The following ZNF385D variants were observed in gnomAD, a reference collection of about 807,000 sequenced individuals.
The protein encoded by ZNF385D is zinc finger protein 385D.
A neutral mutation model predicts 35.8 loss-of-function variants in ZNF385D; 15 were observed. The ratio of observed to expected loss-of-function variants is 0.42; its 90% CI spans 0.28 to 0.64. The LOEUF is 0.64. Ranked by LOEUF, ZNF385D falls within the 30% of genes least tolerant of loss-of-function variation. The pLI is 0.23. For missense variants in ZNF385D, 474 were observed against 494.6 expected (o/e 0.96, Z 0.39); for synonymous variants, 212 against 186.8 (o/e 1.13, Z -1.10).
chr3:21,983,218 G>A (rs1694605023), intron 3 of ZNF385D, among the ~76,000 whole-genome samples: 1 of 144,420 alleles, frequency 6.9e-6, no homozygotes, highest in Non-Finnish European at 1.5e-5. Flanking sequence ...CATTGTGCAG[G>A]TTAGTTACAT....
intron 4 of ZNF385D, among the ~76,000 whole-genome samples, chr3:21,483,444 T>C (rs1704790834): frequency 6.6e-6 from 1 of 152,198 alleles, no homozygotes; most frequent in Non-Finnish European, 1.5e-5. Flanking sequence ...TATAAATGTC[T>C]GGAGTAAATA....
chr3:22,153,526 C>T (rs546010455), intron 3 of ZNF385D, among the ~76,000 whole-genome samples: 4 of 148,084 alleles, frequency 2.7e-5, no homozygotes, highest in South Asian at 4.3e-4. Flanking sequence ...TGCAGTGGCA[C>T]GGTCTCGGAT....
intron 1 of ZNF385D, among the ~76,000 whole-genome samples, chr3:21,708,025 T>G (rs2067971149): frequency 6.6e-6 from 1 of 152,252 alleles, no homozygotes; most frequent in South Asian, 2.1e-4. Flanking sequence ...AGTAACAATC[T>G]CTATGTGACT....
Position 21,806,820 on chromosome 3 carries a change from A to C in ZNF385D, c.326-141792T>G, listed in dbSNP as rs1367349068. Among the ~76,000 whole-genome samples the C allele has an allele frequency of 2.0e-5, 3 of 152,238 alleles. No homozygotes were observed. In the East Asian group the frequency reaches 5.8e-4, roughly 29 times the overall value. Reference sequence around the variant, plus strand: ...TCCTGAACCTTCTTGACCTGGGAGAAGACTCTCAAAGAGTGAAACTTCAGA... The same window carrying C: ...TCCTGAACCTTCTTGACCTGGGAGACGACTCTCAAAGAGTGAAACTTCAGA... On this transcript the variant is annotated intron_variant, in intron 3 of 5. Transcript: ENST00000494108.
intron 3 of ZNF385D, among the ~76,000 whole-genome samples, chr3:21,969,814 G>GGGTGCCTGT (rs1352604915): frequency 9.9e-5 from 15 of 152,122 alleles, no homozygotes; most frequent in African/African-American, 3.6e-4. Context: ...GTGGCTTCAG[G>GGGTGCCTGT]GGTGCCTGTG....
chr3:22,056,274 T>TAAAAAA (rs1180609438), intron 3 of ZNF385D, among the ~76,000 whole-genome samples: 7 of 64,902 alleles, frequency 1.1e-4, no homozygotes, highest in Non-Finnish European at 2.0e-4. Context: ...TAGAGTATAA[T>TAAAAAA]AAAAAAAAAA....
intron 3 of ZNF385D, among the ~76,000 whole-genome samples, chr3:22,127,318 T>C (rs13084533): frequency 5.7e-3 from 40 of 6,958 alleles, no homozygotes; most frequent in African/African-American, 0.019. Flanking sequence ...CATTTCCTGC[T>C]TTTTTTTTTT....
intron 3 of ZNF385D, among the ~76,000 whole-genome samples, chr3:21,837,621 C>G (rs1355235606): frequency 2.0e-5 from 3 of 152,048 alleles, no homozygotes; most frequent in African/African-American, 7.2e-5. Flanking sequence ...CACCTGTAAT[C>G]TTGACACTTT....
intron 3 of ZNF385D, among the ~76,000 whole-genome samples, chr3:21,917,657 T>C (rs1272481040): frequency 2.0e-5 from 3 of 152,352 alleles, no homozygotes; most frequent in East Asian, 1.9e-4. Flanking sequence ...TAAAGTCATA[T>C]ACACAGGAAC....
At chr3:21,992,711 A>G (rs1695221125) in intron 3 of ZNF385D, among the ~76,000 whole-genome samples, 1 of 152,182 alleles carries the variant, frequency 6.6e-6, no homozygotes, top group Admixed American at 6.5e-5. Flanking sequence ...CATTTTCTTC[A>G]CAAACATGTT....
intron 3 of ZNF385D, among the ~76,000 whole-genome samples, chr3:21,791,267 T>C (rs1438124735): frequency 1.3e-5 from 2 of 152,218 alleles, no homozygotes; most frequent in East Asian, 3.8e-4. Context: ...TAAGCTGTTT[T>C]GATGTGGGGC....
chr3:21,985,945 T>C (rs921733855), intron 3 of ZNF385D, among the ~76,000 whole-genome samples: 12 of 127,044 alleles, frequency 9.4e-5, no homozygotes, highest in Admixed American at 1.5e-4. Context: ...ATTTTCTAGT[T>C]TATTTGCGTA....
At chr3:22,279,033 C>A (rs143629846) in intron 2 of ZNF385D, among the ~76,000 whole-genome samples, 132 of 152,222 alleles carry the variant, frequency 8.7e-4, no homozygotes, top group African/African-American at 2.8e-3. Context: ...ACTTCCTACA[C>A]AGAAATGTTA....
chr3:22,062,769 G>T (rs754251766), intron 3 of ZNF385D, among the ~76,000 whole-genome samples: 2 of 152,178 alleles, frequency 1.3e-5, no homozygotes, highest in African/African-American at 4.8e-5. Context: ...TCTCCTTGCT[G>T]TATCTCTGGA....
intron 1 of ZNF385D, among the ~76,000 whole-genome samples, chr3:21,685,061 T>G (rs2067060895): frequency 6.6e-6 from 1 of 152,198 alleles, no homozygotes. Flanking sequence ...CATTTCTAAC[T>G]TGTATGTGAT....
At chr3:21,941,542 G>C (rs1188273406) in intron 3 of ZNF385D, among the ~76,000 whole-genome samples, 19 of 130,710 alleles carry the variant, frequency 1.5e-4, no homozygotes, top group Non-Finnish European at 7.7e-5. Context: ...CTGTCCCGCA[G>C]GCTGGAATGC....
chr3:21,689,108 G>A, intron 1 of ZNF385D, among the ~76,000 whole-genome samples: 1 of 130,778 alleles, frequency 7.6e-6, no homozygotes. Context: ...AGAATCATCT[G>A]TCCTGCCCCA....
intron 1 of ZNF385D, among the ~76,000 whole-genome samples, chr3:21,746,859 T>C (rs1458496133): frequency 6.6e-6 from 1 of 152,140 alleles, no homozygotes; most frequent in Non-Finnish European, 1.5e-5. Flanking sequence ...TTAAATATTT[T>C]TCTAACACAC....
At chr3:22,088,475 T>C (rs1701158349) in intron 3 of ZNF385D, among the ~76,000 whole-genome samples, 1 of 152,154 alleles carries the variant, frequency 6.6e-6, no homozygotes, top group South Asian at 2.1e-4. Context: ...AGAGCAAAGA[T>C]GTGTATGGAT....
Sources: gnomAD v4.1 joint callset for allele counts (sites outside exome capture counted in the v4.1 genomes callset) on GRCh38, gnomAD v4.1.1 for gene constraint, MANE v1.5 for transcripts, NCBI Gene and HGNC (gene_info 2026-07-23, HGNC 2026-07-21) for gene names.